The following NEK5 variants were observed in gnomAD, a reference collection of about 807,000 sequenced individuals.
NEK5 encodes serine/threonine-protein kinase Nek5.
In NEK5, 88 loss-of-function variants were observed where a neutral mutation model predicts 109.2. The ratio of observed to expected loss-of-function variants is 0.81; its 90% CI spans 0.68 to 0.96. The LOEUF is 0.96. NEK5 is among the 40% of genes least tolerant of loss of function. NEK5 has a pLI of 0.00. For synonymous variants in NEK5, 283 were observed against 299.9 expected (o/e 0.94, Z 0.58); for missense variants, 834 against 920.7 (o/e 0.91, Z 1.22).
intron 7 of NEK5, among the ~76,000 whole-genome samples, chr13:52,109,651 A>G (rs142393608): frequency 2.6e-5 from 4 of 152,268 alleles, no homozygotes; most frequent in South Asian, 2.1e-4. Context: ...GAGGCCTGCT[A>G]CTTGGAGATT....
Position 52,061,905 on chromosome 13 carries a change from C to T in NEK5, c.2024G>A (p.Trp675Ter), listed in dbSNP as rs1954616985. 2.0e-6 allele frequency: 2 copies of T among 978,914 alleles called. No homozygotes were observed. The highest frequency in any genetic ancestry group is 9.5e-5 in the South Asian group (2 of 21,160). 60.6% of individuals were successfully genotyped at this position (978,914 alleles called of 1,614,324 possible). A position where few individuals can be genotyped will look rare whatever the true frequency, so the allele number is the denominator to read the frequency against. Residue 675 changes from tryptophan (W) to a stop codon, truncating the protein, a stop_gained, in exon 22 of 24, where the codon TGG (tryptophan) becomes TAG (stop). Transcript: ENST00000684899. LOFTEE classifies it high-confidence loss of function. Reference protein sequence around the residue: ...IEGIPGNRKQWRHEAPGTLMS... With the variant: ...IEGIPGNRKQ ...TAAAGTTCCTGGAGCTTCATGCCGC[C>T]ACTGTTTCCTGTTTCCTGGAATGCC...
In NEK5 at chr13:52,086,347, A is replaced by C; in HGVS notation, c.1409T>G (p.Leu470Ter). 6.2e-7 allele frequency: 1 copy of C among 1,611,080 alleles called. No homozygotes were observed. The highest frequency in any genetic ancestry group is 8.5e-7 in the Non-Finnish European group (1 of 1,177,374). The change falls in exon 16 of 24, where the codon TTA becomes TGA. Residue 470 changes from leucine to a stop codon, truncating the protein, a stop_gained. Coordinates refer to ENST00000684899, the MANE Select transcript of NEK5 (RefSeq NM_001365552.1). LOFTEE classifies it high-confidence loss of function. ...GTGGTACTGTTGGCGTATTTCCTCT[A>C]ACTGCTTCCAATATTCCTGGAAAGC... ...EMKEQEYWKQ[L>*]EEIRQQYHND...
At chr13:52,044,911 G>A (rs1413066839) in intron 23 of NEK5, among the ~76,000 whole-genome samples, 1 of 152,042 alleles carries the variant, frequency 6.6e-6, no homozygotes, top group African/African-American at 2.4e-5. Context: ...TCCTTCCTTT[G>A]CTAGACAAGG....
At chr13:52,055,287 T>C (rs536200953) in intron 22 of NEK5, among the ~76,000 whole-genome samples, 15 of 152,024 alleles carry the variant, frequency 9.9e-5, no homozygotes, top group African/African-American at 3.6e-4. Flanking sequence ...CTCCAAGAAA[T>C]ATGGGACTAT....
rs1954356450 is a variant in NEK5 at position 52,035,830 on chromosome 13, T to G, written c.*1118A>C. Reference sequence around the variant, plus strand: ...CCATGCCTTGTTGTTCTTGCTCAATTGCCTTATTCCTGTGTCAACATCAGC... The same window carrying G: ...CCATGCCTTGTTGTTCTTGCTCAATGGCCTTATTCCTGTGTCAACATCAGC... On this transcript the variant is annotated 3_prime_UTR_variant, in exon 24 of 24. Transcript: ENST00000684899. 1 of 152,108 alleles carries G rather than the reference T, an allele frequency of 6.6e-6. No homozygotes were observed. Among genetic ancestry groups the G allele is most frequent in the Non-Finnish European group, 1.5e-5 (1 of 68,008 alleles). 9.4% of individuals were successfully genotyped at this position (152,108 alleles called of 1,614,324 possible). A position where few individuals can be genotyped will look rare whatever the true frequency, so the allele number is the denominator to read the frequency against.
At chr13:52,064,332 C>T (rs1286280032) in intron 21 of NEK5, among the ~76,000 whole-genome samples, 28 of 131,950 alleles carry the variant, frequency 2.1e-4, no homozygotes, top group Non-Finnish European at 3.8e-4. Context: ...CCTGGCCAGC[C>T]GCCCCATCCA....
chr13:52,099,599 G>A, intron 12 of NEK5, 144 bp downstream of exon 12: 1 of 727,018 alleles, frequency 1.4e-6, no homozygotes, highest in South Asian at 1.9e-5. Flanking sequence ...GAACCCGGGA[G>A]GTGGAGTTTG....
chr13:52,080,279 C>T (rs1485258648), intron 17 of NEK5, among the ~76,000 whole-genome samples: 2 of 145,062 alleles, frequency 1.4e-5, no homozygotes, highest in Admixed American at 6.8e-5. Flanking sequence ...GGGGGGTCAG[C>T]CCCCCGCCCG....
chr13:52,110,585 G>C lies in NEK5; in HGVS notation c.313-8C>G, dbSNP rs1379790656. The stretch of plus-strand genomic sequence containing the variant: ...TACAAACCAACCGAGGATCTATAGA[G>C]AGAACACAAAACAAAGCCACTGAAT... On this transcript the variant is annotated splice_polypyrimidine_tract_variant and splice_region_variant and intron_variant, in intron 5 of 23. Coordinates refer to ENST00000684899, the MANE Select transcript of NEK5 (RefSeq NM_001365552.1). 6.3e-7 allele frequency: 1 copy of C among 1,592,944 alleles called. No individual in the cohort carries two copies. The highest frequency in any genetic ancestry group is 1.3e-5 in the African/African-American group (1 of 74,394).
At chr13:52,071,092 A>G (rs1028387163) in intron 20 of NEK5, among the ~76,000 whole-genome samples, 1 of 152,244 alleles carries the variant, frequency 6.6e-6, no homozygotes, top group Non-Finnish European at 1.5e-5. Context: ...TAAACCAGTA[A>G]CAGAGAGAAT....
chr13:52,045,224 G>A (rs1239127678), intron 23 of NEK5, among the ~76,000 whole-genome samples: 1 of 134,300 alleles, frequency 7.4e-6, no homozygotes. Flanking sequence ...CTGCCTCCCC[G>A]GTTCACGCCA....
intron 8 of NEK5, among the ~76,000 whole-genome samples, chr13:52,105,383 T>G (rs977824641): frequency 6.6e-6 from 1 of 152,032 alleles, no homozygotes; most frequent in Non-Finnish European, 1.5e-5. Context: ...TGGGATTTTT[T>G]TTAATAATTT....
intron 22 of NEK5, among the ~76,000 whole-genome samples, chr13:52,050,720 CT>C (rs772811272): frequency 0.019 from 1,881 of 99,882 alleles, 32 homozygotes; most frequent in African/African-American, 0.056. Flanking sequence ...TTGTTTTTTT[CT>C]TTTTTTTTTT....
chr13:52,121,254 G>T (rs1337435109), intron 3 of NEK5, among the ~76,000 whole-genome samples: 1 of 151,172 alleles, frequency 6.6e-6, no homozygotes, highest in Non-Finnish European at 1.5e-5. Context: ...TGCCCACTGA[G>T]CTCAAGTGAT....
At chr13:52,083,177 C>T in intron 17 of NEK5, 83 bp downstream of exon 17, 1 of 916,460 alleles carries the variant, frequency 1.1e-6, no homozygotes. Context: ...CTACGTGGTT[C>T]TGCTGCACAG....
At chr13:52,062,961 G>A (rs1260890971) in intron 21 of NEK5, among the ~76,000 whole-genome samples, 3 of 152,080 alleles carry the variant, frequency 2.0e-5, no homozygotes, top group Non-Finnish European at 4.4e-5. Flanking sequence ...AACAGCAGCA[G>A]CTACCACTAC....
chr13:52,078,522 G>A (rs1029643601), intron 17 of NEK5, among the ~76,000 whole-genome samples: 4 of 152,048 alleles, frequency 2.6e-5, no homozygotes, highest in Admixed American at 2.6e-4. Context: ...GGGTGTGCCT[G>A]CCAAATTTTA....
rs1191213964 is a variant in NEK5 at position 52,035,729 on chromosome 13, A to G, written c.*1219T>C. On this transcript the variant is annotated 3_prime_UTR_variant, in exon 24 of 24. Transcript: ENST00000684899. ...CAGATATAGTCCCTGCCCTCAACCTATACACTTGAAACTATTGGAAACTAT... is the reference window on the plus strand; with the variant it reads ...CAGATATAGTCCCTGCCCTCAACCTGTACACTTGAAACTATTGGAAACTAT... 1 of 152,178 alleles carries G rather than the reference A, an allele frequency of 6.6e-6. No homozygotes were observed. The highest frequency in any genetic ancestry group is 1.5e-5 in the Non-Finnish European group (1 of 68,030). 9.4% of individuals were successfully genotyped at this position (152,178 alleles called of 1,614,324 possible).
At chr13:52,075,408 T>C (rs1446917555) in intron 19 of NEK5, among the ~76,000 whole-genome samples, 1 of 152,318 alleles carries the variant, frequency 6.6e-6, no homozygotes, top group East Asian at 1.9e-4. Flanking sequence ...AAATTCTGCA[T>C]GTTCTCACTT....
Sources: allele counts gnomAD v4.1 joint callset (sites outside exome capture counted in the v4.1 genomes callset), GRCh38; gene constraint gnomAD v4.1.1; transcripts MANE v1.5; gene names NCBI Gene and HGNC (gene_info 2026-07-23, HGNC 2026-07-21).